The following CCDC61 variants were observed in gnomAD, a reference collection of about 807,000 sequenced individuals.
CCDC61 encodes centrosomal protein CCDC61.
In CCDC61, 55 loss-of-function variants were observed where a neutral mutation model predicts 63.0. That is an observed-to-expected ratio of 0.87 (90% CI 0.70 to 1.09). The LOEUF (loss-of-function observed/expected upper bound fraction) is 1.09. CCDC61 is among the 50% of genes least tolerant of loss of function. The pLI is 0.00. For synonymous variants in CCDC61, 270 were observed against 317.0 expected, an observed-to-expected ratio of 0.85 and a Z score of 1.58; for missense variants, 651 against 731.4, an observed-to-expected ratio of 0.89 and a Z score of 1.27.
intron 5 of CCDC61, among the ~76,000 whole-genome samples, chr19:46,012,975 C>CCCAGTAG (rs1420920210): frequency 1.3e-5 from 2 of 151,988 alleles, no homozygotes; most frequent in African/African-American, 4.8e-5. Context: ...CCTCAGCCTT[C>CCCAGTAG]CCAGTAGCTG....
At chr19:46,011,385 C>T (rs908101200) in intron 5 of CCDC61, among the ~76,000 whole-genome samples, 1 of 152,142 alleles carries the variant, frequency 6.6e-6, no homozygotes, top group African/African-American at 2.4e-5. Context: ...TTTATATCCC[C>T]CTCTCCACTT....
intron 1 of CCDC61, among the ~76,000 whole-genome samples, chr19:46,000,763 A>G (rs1184020815): frequency 1.3e-5 from 2 of 151,836 alleles, no homozygotes; most frequent in African/African-American, 4.8e-5. Flanking sequence ...GTAAGTGTGC[A>G]AGGGGAATTG....
At chr19:46,009,679 C>G (rs577092713) in intron 5 of CCDC61, among the ~76,000 whole-genome samples, 1 of 152,316 alleles carries the variant, frequency 6.6e-6, no homozygotes, top group East Asian at 1.9e-4. Flanking sequence ...AGGACCAGTC[C>G]TTATGGGAGC....
In CCDC61 at chr19:46,018,407, C is replaced by A. The variant is rs754544817; in HGVS notation, c.*20C>A. On this transcript the variant is annotated 3_prime_UTR_variant, in exon 14 of 14. Coordinates refer to ENST00000595358, the MANE Select transcript of CCDC61 (RefSeq NM_001267723.2). The surrounding 1 kb of genome is among the most constrained non-coding windows in gnomAD (Gnocchi z 4.2). ...TCATAACGTGGAGAAGGGGTACTAC[C>A]CCTCCATCCCCCACCCACTTGCTGG... 6 of 1,539,562 alleles carry A rather than the reference C, an allele frequency of 3.9e-6. No homozygotes were observed. The highest frequency in any genetic ancestry group is 5.3e-6 in the Non-Finnish European group (6 of 1,136,012).
At chr19:46,011,079 T>C (rs1225455780) in intron 5 of CCDC61, among the ~76,000 whole-genome samples, 7 of 152,062 alleles carry the variant, frequency 4.6e-5, no homozygotes, top group Non-Finnish European at 7.4e-5. Context: ...TTTTTCAGTC[T>C]TGCTCTGTTG....
Position 46,017,089 on chromosome 19 carries a change from A to G in CCDC61, c.1310+20A>G. 1.9e-6 allele frequency: 3 copies of G among 1,607,712 alleles called. No individual in the cohort carries two copies. The highest frequency in any genetic ancestry group is 1.1e-5 in the South Asian group (1 of 89,702). On this transcript the variant is annotated intron_variant, in intron 11 of 13. Coordinates refer to ENST00000595358, the MANE Select transcript of CCDC61 (RefSeq NM_001267723.2). Reference sequence around the variant, plus strand: ...CAGAGGGTAAAACTTGAACTTGGGAAAAGGATCGCCTCCAAAGGGTTTCTG... The same window carrying G: ...CAGAGGGTAAAACTTGAACTTGGGAGAAGGATCGCCTCCAAAGGGTTTCTG...
intron 3 of CCDC61, among the ~76,000 whole-genome samples, chr19:46,004,243 A>C (rs1414145313): frequency 6.6e-6 from 1 of 152,146 alleles, no homozygotes; most frequent in Non-Finnish European, 1.5e-5. Flanking sequence ...CCCAGCCTGC[A>C]ACTTGCTTTT....
chr19:46,014,373 G>T (rs531811233), intron 5 of CCDC61, among the ~76,000 whole-genome samples: 3 of 152,216 alleles, frequency 2.0e-5, no homozygotes, highest in Admixed American at 6.5e-5. Flanking sequence ...TTTATGAAAA[G>T]GGACATTCTG....
At position 46,003,412 on chromosome 19, in the gene CCDC61, C is replaced by G; in HGVS notation, c.149-7C>G. 6 of 1,612,806 alleles carry G rather than the reference C, an allele frequency of 3.7e-6. No individual in the cohort carries two copies. The highest frequency in any genetic ancestry group is 5.1e-6 in the Non-Finnish European group (6 of 1,179,122). Reference sequence around the variant, plus strand: ...AGACCTCAGGAGAGACTTTTCTCCCCACCCAGTCATTGAAGATTTGACTCA... The same window carrying G: ...AGACCTCAGGAGAGACTTTTCTCCCGACCCAGTCATTGAAGATTTGACTCA... On this transcript the variant is annotated splice_polypyrimidine_tract_variant and splice_region_variant and intron_variant, in intron 2 of 13. Coordinates refer to ENST00000595358, the MANE Select transcript of CCDC61 (RefSeq NM_001267723.2).
intron 5 of CCDC61, among the ~76,000 whole-genome samples, chr19:46,011,813 C>T (rs988461218): frequency 6.6e-6 from 1 of 152,104 alleles, no homozygotes; most frequent in Admixed American, 6.6e-5. Context: ...ATTTCTTTTT[C>T]TTTTTTTGAG....
chr19:46,016,749 T>G lies in CCDC61; in HGVS notation c.1147T>G (p.Ser383Ala). 1 of 1,601,326 alleles carries G rather than the reference T, an allele frequency of 6.2e-7. No individual in the cohort carries two copies. The highest frequency in any genetic ancestry group is 8.5e-7 in the Non-Finnish European group (1 of 1,174,766). Residue 383 changes from serine to alanine, a missense_variant, in exon 10 of 14, where the codon TCC becomes GCC. Ser to Ala is a moderately conservative substitution (Grantham distance 99). Transcript: ENST00000595358. This position sits in a 1 kb window ranked among gnomAD's most constrained non-coding sequence, Gnocchi z 7.2. Reference sequence around the variant, plus strand: ...GGGAAGCGGGGACGGTCCGTCCGTCTCCTGGTCTCGCCAGACCCAGCCCCC... The same window carrying G: ...GGGAAGCGGGGACGGTCCGTCCGTCGCCTGGTCTCGCCAGACCCAGCCCCC... ...SGGSGDGPSV[S>A]WSRQTQPPAA...
At chr19:46,012,274 A>G (rs1025336445) in intron 5 of CCDC61, among the ~76,000 whole-genome samples, 7 of 152,096 alleles carry the variant, frequency 4.6e-5, no homozygotes, top group Admixed American at 3.9e-4. Flanking sequence ...AAAATAATAT[A>G]CTCCAAAGAG....
At chr19:45,997,824 C>G (rs535395329) in intron 1 of CCDC61, among the ~76,000 whole-genome samples, 33 of 152,166 alleles carry the variant, frequency 2.2e-4, no homozygotes, top group African/African-American at 6.7e-4. Context: ...GTAGCTGGAA[C>G]TACAGGCATA....
chr19:46,011,167 G>T (rs764290573), intron 5 of CCDC61, among the ~76,000 whole-genome samples: 1 of 151,352 alleles, frequency 6.6e-6, no homozygotes, highest in Non-Finnish European at 1.5e-5. Context: ...TCCCACCTCA[G>T]CTTCCTGAGT....
intron 11 of CCDC61, 22 bp from the exon 12 acceptor site, chr19:46,017,225 C>T (rs1293619050): frequency 6.4e-7 from 1 of 1,557,830 alleles, no homozygotes; most frequent in South Asian, 1.2e-5. Flanking sequence ...ACCACTGGTC[C>T]TTGGTTACTC....
chr19:46,011,663 C>T lies in CCDC61; in HGVS notation c.551+3362C>T, dbSNP rs73570783. Among the ~76,000 whole-genome samples the T allele has an allele frequency of 4.7e-3, 723 of 152,252 alleles. 7 individuals are homozygous for T. Among genetic ancestry groups the T allele is most frequent in the African/African-American group, 0.017 (698 of 41,544 alleles). On this transcript the variant is annotated intron_variant, in intron 5 of 13. Coordinates refer to ENST00000595358, the MANE Select transcript of CCDC61 (RefSeq NM_001267723.2). ...TTGGTGGTGTTGAGACTGATGATTT[C>T]AGCTGTTGAGAGCTGGCTCCCTCTT...
rs748266892 is a variant in CCDC61, at chr19:46,016,677, CCTTT to C, written c.1092-12_1092-9del. 2.5e-6 allele frequency: 4 copies of C among 1,611,570 alleles called. No individual in the cohort carries two copies. The highest frequency in any genetic ancestry group is 3.4e-6 in the Non-Finnish European group (4 of 1,179,238). On this transcript the variant is annotated splice_polypyrimidine_tract_variant and intron_variant, in intron 9 of 13. Coordinates refer to ENST00000595358, the MANE Select transcript of CCDC61 (RefSeq NM_001267723.2). This position sits in a 1 kb window ranked among gnomAD's most constrained non-coding sequence, Gnocchi z 7.2. ...GAGTTGGGCGTACAGACCGGCGTCT[CCTTT>C]CTTTTTTCCCAGGCAGCAGCAGCGG... is the stretch of plus-strand genomic sequence containing the variant.
rs1280949193 is a variant in CCDC61 at position 46,003,128 on chromosome 19, T to C, written c.110T>C (p.Met37Thr). The C allele has an allele frequency of 6.2e-7, 1 of 1,613,462 alleles. No individual in the cohort carries two copies. Among genetic ancestry groups the C allele is most frequent in the East Asian group, 2.2e-5 (1 of 44,882 alleles). ...QVLELEVEDR[M>T]TADQWRGEFD... ...CTGGAGCTGGAGGTGGAGGACCGGATGACGGCTGACCAGTGGCGGGGCGAG... is the reference window on the plus strand; with the variant it reads ...CTGGAGCTGGAGGTGGAGGACCGGACGACGGCTGACCAGTGGCGGGGCGAG... Residue 37 changes from methionine (M) to threonine (T), a missense_variant, in exon 2 of 14, where the codon ATG becomes ACG. Physicochemically the swap from Met to Thr is moderately conservative, Grantham distance 81 (BLOSUM62 -1). Transcript: ENST00000595358.
chr19:46,018,342 GA>G lies in CCDC61; in HGVS notation c.1496del (p.Lys499ArgfsTer7). ...ACATGGCCGAAATAGACGCACGCCTGAAGGCCTTGCAGGAGTACATGAACCG... is the reference window on the plus strand; with the variant it reads ...ACATGGCCGAAATAGACGCACGCCTGAGGCCTTGCAGGAGTACATGAACCG... ...ADMAEIDARL[K>X]ALQEYMNRLD... On this transcript the variant is annotated frameshift_variant, in exon 14 of 14. Coordinates refer to ENST00000595358, the MANE Select transcript of CCDC61 (RefSeq NM_001267723.2). LOFTEE classifies it high-confidence loss of function. The surrounding 1 kb of genome is among the most constrained non-coding windows in gnomAD (Gnocchi z 4.2). 2 of 1,577,398 alleles carry G rather than the reference GA, an allele frequency of 1.3e-6. No individual in the cohort carries two copies. Among genetic ancestry groups the G allele is most frequent in the East Asian group, 2.4e-5 (1 of 42,476 alleles).
Sources: allele counts gnomAD v4.1 joint callset (sites outside exome capture counted in the v4.1 genomes callset), GRCh38; gene constraint gnomAD v4.1.1; non-coding constraint Gnocchi (gnomAD v3.1); transcripts MANE v1.5; gene names NCBI Gene and HGNC (gene_info 2026-07-23, HGNC 2026-07-21).